Variants in ASB7 observed in about 807,000 individuals in gnomAD.
ASB7 encodes the protein ankyrin repeat and SOCS box protein 7.
ASB7 carries 4 observed loss-of-function variants against 32.5 expected under a neutral mutation model. The observed-to-expected ratio is 0.12, with a 90% CI of 0.06 to 0.28. ASB7 has a LOEUF of 0.28. Ranked by LOEUF, ASB7 falls within the 10% of genes least tolerant of loss-of-function variation. ASB7 has a pLI of 1.00. For synonymous variants in ASB7, 172 were observed against 155.6 expected, an observed-to-expected ratio of 1.11 and a Z score of -0.78; for missense variants, 181 against 407.1, an observed-to-expected ratio of 0.44 and a Z score of 4.78.
intron 4 of ASB7, among the ~76,000 whole-genome samples, chr15:100,622,740 G>T (rs1434716249): frequency 6.6e-6 from 1 of 152,172 alleles, no homozygotes; most frequent in African/African-American, 2.4e-5. Context: ...TCCATGTGCA[G>T]AAGAATAAAA....
chr15:100,614,151 A>G (rs755806368), intron 4 of ASB7, among the ~76,000 whole-genome samples: 1 of 151,970 alleles, frequency 6.6e-6, no homozygotes, highest in Non-Finnish European at 1.5e-5. Flanking sequence ...CCAGGTGCCT[A>G]TGATCCCAGC....
In ASB7 at chr15:100,612,118, G is replaced by A. The variant is rs1448322095; in HGVS notation, c.-51-48G>A. The A allele has an allele frequency of 3.0e-6, 3 of 990,628 alleles. No individual in the cohort carries two copies. The East Asian group carries it at 7.7e-5, about 26-fold the overall frequency. 61.4% of individuals were successfully genotyped at this position (990,628 alleles called of 1,614,324 possible). ...GTGATATTTAATAGATGCAGTATCA[G>A]GAACCAGTTATTCTAAATTTTACCT... On this transcript the variant is annotated intron_variant, in intron 3 of 5. Coordinates refer to ENST00000332783, the MANE Select transcript of ASB7 (RefSeq NM_198243.3).
At chr15:100,614,149 C>T (rs2039720604) in intron 4 of ASB7, among the ~76,000 whole-genome samples, 1 of 151,954 alleles carries the variant, frequency 6.6e-6, no homozygotes, top group African/African-American at 2.4e-5. Flanking sequence ...GGCCAGGTGC[C>T]TATGATCCCA....
At chr15:100,630,188 TAAAAA>T (rs541033683) in intron 5 of ASB7, 146 bp downstream of exon 5, 2 of 1,236,730 alleles carry the variant, frequency 1.6e-6, no homozygotes, top group South Asian at 2.2e-5. Context: ...TCTTCTGAAA[TAAAAA>T]AAAAACTTTG....
Position 100,603,304 on chromosome 15 carries a change from G to T in ASB7, c.-183G>T, listed in dbSNP as rs888763624. On this transcript the variant is annotated 5_prime_UTR_variant, in exon 2 of 6. Transcript: ENST00000332783. ...AGGCACAGTGCCTCTGACCAGCATC[G>T]TCTGTAAAGGTAATGAGCCAGCCCT... 1.0e-5 allele frequency: 3 copies of T among 285,848 alleles called. No homozygotes were observed. Among genetic ancestry groups the T allele is most frequent in the East Asian group, 6.0e-5 (1 of 16,570 alleles). 17.7% of individuals were successfully genotyped at this position (285,848 alleles called of 1,614,324 possible).
chr15:100,638,027 G>C (rs1189488104), intron 5 of ASB7, among the ~76,000 whole-genome samples: 1 of 151,196 alleles, frequency 6.6e-6, no homozygotes, highest in Admixed American at 6.6e-5. Context: ...GAATTGGATA[G>C]TTTAAAAATT....
At chr15:100,647,317 T>C (rs1238723375) in intron 5 of ASB7, among the ~76,000 whole-genome samples, 1 of 152,196 alleles carries the variant, frequency 6.6e-6, no homozygotes, top group Admixed American at 6.5e-5. Flanking sequence ...CTCTATAAAA[T>C]GGGGATGATG....
chr15:100,640,834 A>C (rs566626903), intron 5 of ASB7, among the ~76,000 whole-genome samples: 1 of 152,338 alleles, frequency 6.6e-6, no homozygotes, highest in Admixed American at 6.5e-5. Context: ...TTTGTAATTT[A>C]CGCTAGACCC....
chr15:100,639,059 T>C (rs915916696), intron 5 of ASB7, among the ~76,000 whole-genome samples: 8 of 152,184 alleles, frequency 5.3e-5, no homozygotes, highest in Admixed American at 2.0e-4. Context: ...TAGTAGACAG[T>C]GTTCAAAGAC....
intron 3 of ASB7, among the ~76,000 whole-genome samples, chr15:100,610,988 C>A (rs1458057261): frequency 6.6e-6 from 1 of 152,192 alleles, no homozygotes; most frequent in Non-Finnish European, 1.5e-5. Context: ...TAAGATGCAA[C>A]TTTTTACCAT....
chr15:100,612,469 A>G lies in ASB7; in HGVS notation c.211+42A>G, dbSNP rs780912975. ...CAAATCTTTTTCCCCATGGAGAAAC[A>G]TAAATGATGTTTAGTTTAAAATGTG... On this transcript the variant is annotated intron_variant, in intron 4 of 5. Coordinates refer to ENST00000332783, the MANE Select transcript of ASB7 (RefSeq NM_198243.3). 3.9e-6 allele frequency: 6 copies of G among 1,521,912 alleles called. No individual in the cohort carries two copies. In the South Asian group the frequency reaches 6.7e-5, roughly 17 times the overall value. The allele number at this position is 1,521,912 out of a possible 1,614,324, so 94.3% of individuals were successfully genotyped here.
intron 5 of ASB7, among the ~76,000 whole-genome samples, chr15:100,639,162 A>G (rs1462092291): frequency 6.6e-6 from 1 of 152,216 alleles, no homozygotes; most frequent in Non-Finnish European, 1.5e-5. Context: ...ACTGACATGT[A>G]TTTCTAAAAG....
chr15:100,606,674 G>T (rs1191154595), intron 2 of ASB7, among the ~76,000 whole-genome samples: 1 of 152,150 alleles, frequency 6.6e-6, no homozygotes, highest in Non-Finnish European at 1.5e-5. Flanking sequence ...ATGGTCAATA[G>T]TATTAAAGCT....
intron 4 of ASB7, among the ~76,000 whole-genome samples, chr15:100,626,170 C>T (rs950232062): frequency 2.0e-5 from 3 of 151,978 alleles, no homozygotes; most frequent in Non-Finnish European, 4.4e-5. Context: ...TTTTGCTCTT[C>T]AAAACATAAT....
chr15:100,644,731 C>T (rs1290381417), intron 5 of ASB7, among the ~76,000 whole-genome samples: 2 of 152,190 alleles, frequency 1.3e-5, no homozygotes, highest in African/African-American at 4.8e-5. Flanking sequence ...CTGGGAGTAT[C>T]TGATGGTGAA....
Position 100,609,821 on chromosome 15 carries a change from T to G in ASB7, c.-59T>G. ...CGTACATCAGGAGAAGGGACACTCT[T>G]CCATAAGGCAAGTTGCCTCAGGGTC... On this transcript the variant is annotated 5_prime_UTR_variant, in exon 3 of 6. Transcript: ENST00000332783. 6.6e-6 allele frequency: 1 copy of G among 152,228 alleles called. No individual in the cohort carries two copies. 9.4% of individuals were successfully genotyped at this position (152,228 alleles called of 1,614,324 possible).
intron 4 of ASB7, among the ~76,000 whole-genome samples, chr15:100,615,680 T>C (rs2039737500): frequency 6.6e-6 from 1 of 152,232 alleles, no homozygotes; most frequent in Non-Finnish European, 1.5e-5. Flanking sequence ...CACCGGTTTC[T>C]TTTGTACCAT....
At chr15:100,635,195 C>T (rs2039914153) in intron 5 of ASB7, among the ~76,000 whole-genome samples, 1 of 152,200 alleles carries the variant, frequency 6.6e-6, no homozygotes, top group African/African-American at 2.4e-5. Context: ...TTGAGAATTT[C>T]ACCTCCTCAG....
chr15:100,612,292 G>A lies in ASB7; in HGVS notation c.76G>A (p.Asp26Asn). 6.2e-7 allele frequency: 1 copy of A among 1,614,140 alleles called. No homozygotes were observed. Among genetic ancestry groups the A allele is most frequent in the East Asian group, 2.2e-5 (1 of 44,872 alleles). ...LQIQAAVAAG[D>N]VHTVRKMLEQ... ...GATTCAGGCCGCGGTGGCTGCTGGG[G>A]ATGTCCACACAGTGCGAAAGATGCT... Residue 26 changes from aspartate (D) to asparagine (N), a missense_variant, in exon 4 of 6, where the codon GAT becomes AAT. Coordinates refer to ENST00000332783, the MANE Select transcript of ASB7 (RefSeq NM_198243.3).
Sources: allele counts gnomAD v4.1 joint callset (sites outside exome capture counted in the v4.1 genomes callset), GRCh38; gene constraint gnomAD v4.1.1; transcripts MANE v1.5; gene names NCBI Gene and HGNC (gene_info 2026-07-23, HGNC 2026-07-21).